Variants in STON2 observed in about 807,000 individuals in gnomAD.
The protein encoded by STON2 is stonin 2.
In STON2, 29 loss-of-function variants were observed where a neutral mutation model predicts 65.7. That is an observed-to-expected ratio of 0.44 (90% CI 0.33 to 0.60). STON2 has a LOEUF of 0.60. Ranked by LOEUF, STON2 falls within the 20% of genes least tolerant of loss-of-function variation. The probability of loss-of-function intolerance (pLI) is 0.03; values close to 1 mark genes in which losing one functional copy is unlikely to be tolerated. For missense variants in STON2, 1,054 were observed against 1,118.1 expected (o/e 0.94, Z 0.82); for synonymous variants, 404 against 414.2 (o/e 0.98, Z 0.30).
Position 81,262,040 on chromosome 14 carries a change from A to G in STON2, c.*6374T>C. On this transcript the variant is annotated 3_prime_UTR_variant, in exon 8 of 8. Coordinates refer to ENST00000614646, the MANE Select transcript of STON2 (RefSeq NM_001394390.1). ...AAATTTAAATTTCTTGGTTCTTATA[A>G]ACATAGGAAGAGTCACTGAAAGGTG... The G allele has an allele frequency of 1.5e-6, 2 of 1,361,976 alleles. No individual in the cohort carries two copies. The highest frequency in any genetic ancestry group is 1.9e-6 in the Non-Finnish European group (2 of 1,063,186). 84.4% of individuals were successfully genotyped at this position (1,361,976 alleles called of 1,614,324 possible).
intron 5 of STON2, among the ~76,000 whole-genome samples, chr14:81,322,857 G>A (rs185724379): frequency 3.3e-5 from 5 of 152,304 alleles, no homozygotes; most frequent in Admixed American, 6.5e-5. Flanking sequence ...AGGCTGCTCC[G>A]TACAGGGAAT....
chr14:81,392,508 T>G (rs11846778), intron 3 of STON2, among the ~76,000 whole-genome samples: 2,931 of 152,258 alleles, frequency 0.019, 112 homozygotes, highest in African/African-American at 0.068. Context: ...AGCTGAACTT[T>G]AGGAAAATTC....
chr14:81,421,435 C>T lies in STON2; in HGVS notation c.-199+5667G>A, dbSNP rs1043650455. Among the ~76,000 whole-genome samples the T allele has an allele frequency of 4.3e-4, 65 of 152,024 alleles. 1 individual carries two copies. Among genetic ancestry groups the T allele is most frequent in the East Asian group, 3.9e-4 (2 of 5,170 alleles). On this transcript the variant is annotated intron_variant, in intron 2 of 8. Coordinates refer to the STON2 transcript ENST00000553821. Reference sequence around the variant, plus strand: ...AATTTAAGCAGGGAAATAACATGACCCAATTTGTTTTTTAGAAAAAGGTTA... The same window carrying T: ...AATTTAAGCAGGGAAATAACATGACTCAATTTGTTTTTTAGAAAAAGGTTA...
Position 81,264,043 on chromosome 14 carries a change from C to T in STON2, c.*4371G>A. 1 of 985,446 alleles carries T rather than the reference C, an allele frequency of 1.0e-6. No individual in the cohort carries two copies. The allele number at this position is 985,446 out of a possible 1,614,324, so 61.0% of individuals were successfully genotyped here. A position where few individuals can be genotyped will look rare whatever the true frequency, so the allele number is the denominator to read the frequency against. ...CTACTGCATGAAGACTGGTTGTGCA[C>T]TCTATCAAATGCTTTCTTTTCCTAC... On this transcript the variant is annotated 3_prime_UTR_variant, in exon 8 of 8. Coordinates refer to ENST00000614646, the MANE Select transcript of STON2 (RefSeq NM_001394390.1).
intron 1 of STON2, among the ~76,000 whole-genome samples, chr14:81,432,699 T>C (rs1428398175): frequency 6.6e-6 from 1 of 152,244 alleles, no homozygotes; most frequent in Non-Finnish European, 1.5e-5. Flanking sequence ...GCAGCACTTG[T>C]ATGCTTCTTC....
intron 2 of STON2, among the ~76,000 whole-genome samples, chr14:81,414,538 T>G (rs1319279094): frequency 1.3e-5 from 2 of 151,966 alleles, no homozygotes; most frequent in African/African-American, 2.4e-5. Context: ...TTAGAGGTCC[T>G]GGACCAAGCA....
intron 5 of STON2, among the ~76,000 whole-genome samples, chr14:81,304,445 G>A (rs757504411): frequency 2.0e-5 from 3 of 152,116 alleles, no homozygotes; most frequent in Non-Finnish European, 2.9e-5. Flanking sequence ...AATCAGGGCC[G>A]GGCATGGTGG....
At chr14:81,331,809 C>A (rs1306473957) in intron 4 of STON2, among the ~76,000 whole-genome samples, 1 of 152,216 alleles carries the variant, frequency 6.6e-6, no homozygotes, top group Non-Finnish European at 1.5e-5. Flanking sequence ...GCCCACACAT[C>A]CTAGCCTAAC....
intron 4 of STON2, among the ~76,000 whole-genome samples, chr14:81,329,782 G>T (rs1478783239): frequency 6.6e-6 from 1 of 152,116 alleles, no homozygotes. Context: ...GAGAGAAGGG[G>T]GTGGGGGAAA....
At chr14:81,272,093 G>A (rs917194076) in intron 6 of STON2, among the ~76,000 whole-genome samples, 14 of 152,136 alleles carry the variant, frequency 9.2e-5, no homozygotes, top group Non-Finnish European at 1.6e-4. Flanking sequence ...GTGGTGGCGG[G>A]CGCCTGTAGT....
chr14:81,393,175 C>G (rs1406881770), intron 3 of STON2, among the ~76,000 whole-genome samples: 1 of 152,110 alleles, frequency 6.6e-6, no homozygotes, highest in African/African-American at 2.4e-5. Context: ...TTGGAAAAAT[C>G]AGTGAAGAGT....
rs561707753 is a variant in STON2 at position 81,299,288 on chromosome 14, T to C, written c.743-20549A>G. On this transcript the variant is annotated intron_variant, in intron 5 of 7. Coordinates refer to ENST00000614646, the MANE Select transcript of STON2 (RefSeq NM_001394390.1). The stretch of plus-strand genomic sequence containing the variant: ...TATCTCAATAAAGGTAGAAAAAGTA[T>C]GGTAAAATTTAACTTACATTAACTG... Among the ~76,000 whole-genome samples the C allele has an allele frequency of 5.9e-5, 9 of 152,324 alleles. No individual in the cohort carries two copies. The South Asian group carries it at 1.7e-3, about 28-fold the overall frequency.
At chr14:81,422,686 T>C (rs1901763204) in intron 2 of STON2, among the ~76,000 whole-genome samples, 1 of 152,174 alleles carries the variant, frequency 6.6e-6, no homozygotes, top group South Asian at 2.1e-4. Flanking sequence ...AAACCATCTT[T>C]CTGCAGCATG....
chr14:81,299,645 C>CA (rs1432944214), intron 5 of STON2, among the ~76,000 whole-genome samples: 2 of 152,124 alleles, frequency 1.3e-5, no homozygotes, highest in African/African-American at 2.4e-5. Flanking sequence ...CCTCAGGATA[C>CA]AAAGTCATTC....
intron 2 of STON2, among the ~76,000 whole-genome samples, chr14:81,410,278 C>CAAAAAAAAAAAAAAAAAA (rs1161157573): frequency 4.4e-5 from 2 of 45,776 alleles, no homozygotes; most frequent in Non-Finnish European, 9.7e-5. Context: ...TAACTCTAAC[C>CAAAAAAAAAAAAAAAAAA]AAAAAAAAAA....
rs145847853 is a variant in STON2, at chr14:81,310,672, A to C, written c.742+13345T>G. Among the ~76,000 whole-genome samples, 414 of 152,290 alleles carry C rather than the reference A, an allele frequency of 2.7e-3. 1 individual carries two copies. Among genetic ancestry groups the C allele is most frequent in the African/African-American group, 9.4e-3 (392 of 41,544 alleles). On this transcript the variant is annotated intron_variant, in intron 5 of 7. Transcript: ENST00000614646. ...TACACATCTCATTTAATATTCAATT[A>C]TCTCTCCTATTTTGTGTATCAGGAT...
At chr14:81,377,116 T>C (rs1339799554) in intron 3 of STON2, among the ~76,000 whole-genome samples, 1 of 152,192 alleles carries the variant, frequency 6.6e-6, no homozygotes, top group Non-Finnish European at 1.5e-5. Context: ...TGCAAGGATC[T>C]TTCCTGCTGC....
At chr14:81,354,135 G>A (rs150849474) in intron 4 of STON2, among the ~76,000 whole-genome samples, 1,829 of 152,264 alleles carry the variant, frequency 0.012, 41 homozygotes, top group African/African-American at 0.041. Flanking sequence ...GTATCACCTG[G>A]CCAGGGAATG....
At position 81,262,969 on chromosome 14, in the gene STON2, C is replaced by A; in HGVS notation, c.*5445G>T. ...GTTTGTGGGGAATTAGCACTTAGAC[C>A]TTGGTAATGTTTAGAAATCATCTTT... is the stretch of plus-strand genomic sequence containing the variant. On this transcript the variant is annotated 3_prime_UTR_variant, in exon 8 of 8. Transcript: ENST00000614646. The A allele has an allele frequency of 1.0e-6, 1 of 985,254 alleles. No individual in the cohort carries two copies. Among genetic ancestry groups the A allele is most frequent in the Non-Finnish European group, 1.2e-6 (1 of 829,852 alleles). The allele number at this position is 985,254 out of a possible 1,614,324, so 61.0% of individuals were successfully genotyped here. A position where few individuals can be genotyped will look rare whatever the true frequency, so the allele number is the denominator to read the frequency against.
Sources: allele counts gnomAD v4.1 joint callset (sites outside exome capture counted in the v4.1 genomes callset), GRCh38; gene constraint gnomAD v4.1.1; transcripts MANE v1.5; gene names NCBI Gene and HGNC (gene_info 2026-07-23, HGNC 2026-07-21).